PTTG1IP2: variants seen among roughly 807,000 people sequenced by gnomAD.
PTTG1IP2 encodes PTTG1IP family member 2.
At chr7:90,482,082 A>G (rs1797820599) in intron 2 of PTTG1IP2, among the ~76,000 whole-genome samples, 1 of 152,174 alleles carries the variant, frequency 6.6e-6, no homozygotes, top group Non-Finnish European at 1.5e-5. Flanking sequence ...TTAGGGTATT[A>G]TCCTTTGGAG....
At chr7:90,474,633 A>G (rs1008693934) in intron 1 of PTTG1IP2, among the ~76,000 whole-genome samples, 2 of 152,166 alleles carry the variant, frequency 1.3e-5, no homozygotes, top group Admixed American at 1.3e-4. Context: ...AGCAGAGGCA[A>G]CTGCCCCAGG....
chr7:90,472,309 CA>C (rs1562982539), intron 1 of PTTG1IP2, among the ~76,000 whole-genome samples: 58 of 110,256 alleles, frequency 5.3e-4, no homozygotes, highest in East Asian at 1.6e-3. Context: ...CACACACACA[CA>C]CACACACACA....
At chr7:90,480,293 T>G (rs1346969587) in intron 2 of PTTG1IP2, among the ~76,000 whole-genome samples, 2 of 152,170 alleles carry the variant, frequency 1.3e-5, no homozygotes, top group Non-Finnish European at 2.9e-5. Context: ...CCTTTAACAC[T>G]CTTCTTTTCC....
intron 2 of PTTG1IP2, among the ~76,000 whole-genome samples, chr7:90,486,954 G>T (rs1797881730): frequency 6.6e-6 from 1 of 152,154 alleles, no homozygotes; most frequent in African/African-American, 2.4e-5. Flanking sequence ...TGAATCATGG[G>T]CAGCCCTTGG....
chr7:90,507,287 T>C (rs1407389777), intron 6 of PTTG1IP2, among the ~76,000 whole-genome samples: 1 of 152,132 alleles, frequency 6.6e-6, no homozygotes, highest in East Asian at 1.9e-4. Flanking sequence ...GTAAGGGCAA[T>C]GCATTTTTCT....
intron 6 of PTTG1IP2, among the ~76,000 whole-genome samples, chr7:90,494,639 T>C (rs1389633204): frequency 1.3e-5 from 2 of 152,132 alleles, no homozygotes; most frequent in African/African-American, 2.4e-5. Flanking sequence ...CCCAGCACTC[T>C]GGAAGGCGGA....
intron 6 of PTTG1IP2, among the ~76,000 whole-genome samples, chr7:90,494,992 G>A (rs984095546): frequency 7.2e-5 from 11 of 152,030 alleles, no homozygotes; most frequent in Admixed American, 3.9e-4. Context: ...CCTGGGTGAC[G>A]ACAAAGAGAC....
chr7:90,486,904 C>A (rs943747056), intron 2 of PTTG1IP2, among the ~76,000 whole-genome samples: 1 of 152,078 alleles, frequency 6.6e-6, no homozygotes, highest in African/African-American at 2.4e-5. Context: ...CGGCAAGAGC[C>A]AAGAAAAGAT....
intron 4 of PTTG1IP2, among the ~76,000 whole-genome samples, chr7:90,491,695 A>C (rs1037298984): frequency 6.6e-6 from 1 of 152,148 alleles, no homozygotes; most frequent in Non-Finnish European, 1.5e-5. Context: ...GACACAGACA[A>C]GTAAACAAGC....
At chr7:90,501,396 T>C (rs1184564501) in intron 6 of PTTG1IP2, among the ~76,000 whole-genome samples, 1 of 152,186 alleles carries the variant, frequency 6.6e-6, no homozygotes, top group Non-Finnish European at 1.5e-5. Flanking sequence ...TGGCCAGACA[T>C]AGTAGCTTAC....
At chr7:90,479,119 G>A (rs1050970525) in intron 1 of PTTG1IP2, 109 bp from the exon 2 acceptor site, 1 of 152,556 alleles carries the variant, frequency 6.6e-6, no homozygotes, top group African/African-American at 2.4e-5. Flanking sequence ...CTGGGGTATG[G>A]ATGACTATGG....
At chr7:90,475,546 C>T (rs1348107226) in intron 1 of PTTG1IP2, among the ~76,000 whole-genome samples, 1 of 151,922 alleles carries the variant, frequency 6.6e-6, no homozygotes, top group Non-Finnish European at 1.5e-5. Flanking sequence ...GAATGCAGTA[C>T]AAAAGAACAA....
At chr7:90,498,263 G>A (rs1011309631) in intron 6 of PTTG1IP2, among the ~76,000 whole-genome samples, 5 of 152,180 alleles carry the variant, frequency 3.3e-5, no homozygotes, top group Middle Eastern at 3.2e-3. Context: ...CTGACCTCAT[G>A]AGAATCCCTT....
chr7:90,501,339 A>G (rs1469184012), intron 6 of PTTG1IP2, among the ~76,000 whole-genome samples: 1 of 152,224 alleles, frequency 6.6e-6, no homozygotes. Context: ...TAAGTGTACA[A>G]TAGTATTATG....
intron 6 of PTTG1IP2, among the ~76,000 whole-genome samples, chr7:90,506,138 G>A (rs978101690): frequency 1.3e-5 from 2 of 151,560 alleles, no homozygotes; most frequent in Middle Eastern, 3.4e-3. Context: ...GGGAGCTCTA[G>A]AAACCCTAGG....
chr7:90,501,240 C>T (rs1014411398), intron 6 of PTTG1IP2, among the ~76,000 whole-genome samples: 1 of 152,150 alleles, frequency 6.6e-6, no homozygotes, highest in African/African-American at 2.4e-5. Context: ...TGCTGCAATA[C>T]AGCAAATATC....
chr7:90,504,865 G>C (rs567746411), intron 6 of PTTG1IP2, among the ~76,000 whole-genome samples: 53 of 152,234 alleles, frequency 3.5e-4, no homozygotes, highest in African/African-American at 1.2e-3. Context: ...TATTAATCTT[G>C]TCATGCTTGA....
chr7:90,510,987 T>G (rs1250815211), intron 6 of PTTG1IP2, among the ~76,000 whole-genome samples: 1 of 152,220 alleles, frequency 6.6e-6, no homozygotes, highest in East Asian at 1.9e-4. Flanking sequence ...AGCTATAATC[T>G]TTTGTATTTC....
chr7:90,473,835 A>G lies in PTTG1IP2; in HGVS notation c.145+3904A>G, dbSNP rs976738358. ...TCACCTCCCAGCTCTGTTGCTTACTAGGCCCATGCTTTCTGTGTCACAATT... is the reference window on the plus strand; with the variant it reads ...TCACCTCCCAGCTCTGTTGCTTACTGGGCCCATGCTTTCTGTGTCACAATT... On this transcript the variant is annotated intron_variant, in intron 1 of 6. Coordinates refer to ENST00000509356, the MANE Select transcript of PTTG1IP2 (RefSeq NM_001365443.2). Among the ~76,000 whole-genome samples, 4 of 152,222 alleles carry G rather than the reference A, an allele frequency of 2.6e-5. No homozygotes were observed. In the South Asian group the frequency reaches 8.3e-4, roughly 32 times the overall value.
Sources: gnomAD v4.1 joint callset for allele counts (sites outside exome capture counted in the v4.1 genomes callset) on GRCh38, gnomAD v4.1.1 for gene constraint, MANE v1.5 for transcripts, NCBI Gene and HGNC (gene_info 2026-07-23, HGNC 2026-07-21) for gene names.